Variants in KLHDC8B observed in about 807,000 individuals in gnomAD.
KLHDC8B encodes the protein kelch domain containing 8B, also known as kelch domain-containing protein 8B.
A neutral mutation model predicts 26.3 loss-of-function variants in KLHDC8B; 19 were observed. That is an observed-to-expected ratio of 0.72 (90% confidence interval 0.50 to 1.06). KLHDC8B has a LOEUF of 1.06. KLHDC8B is among the 50% of genes least tolerant of loss of function. The pLI is 0.00. For missense variants in KLHDC8B, 411 were observed against 488.1 expected (o/e 0.84, Z 1.49); for synonymous variants, 150 against 188.4 (o/e 0.80, Z 1.67).
rs1191346535 is a variant in KLHDC8B, at chr3:49,175,163, G to C, written c.868G>C (p.Gly290Arg). Residue 290 changes from glycine to arginine, a missense_variant and splice_region_variant, in exon 5 of 6, where the codon GGA becomes CGA. Transcript: ENST00000332780. ...GGHIVAIGGL[G>R]NQPCPLGSVE... Reference sequence around the variant, plus strand: ...CCACATTGTGGCCATTGGGGGCCTTGGTAAGTCTCTATGGGGCTGGGGAGA... The same window carrying C: ...CCACATTGTGGCCATTGGGGGCCTTCGTAAGTCTCTATGGGGCTGGGGAGA... 6.2e-7 allele frequency: 1 copy of C among 1,612,964 alleles called. No individual in the cohort carries two copies. The highest frequency in any genetic ancestry group is 1.1e-5 in the South Asian group (1 of 91,042).
chr3:49,175,170 C>T lies in KLHDC8B; in HGVS notation c.868+7C>T. ...GTGGCCATTGGGGGCCTTGGTAAGT[C>T]TCTATGGGGCTGGGGAGAGGAGGGA... On this transcript the variant is annotated splice_region_variant and intron_variant, in intron 5 of 5. Transcript: ENST00000332780. The T allele has an allele frequency of 1.2e-6, 2 of 1,609,768 alleles. No homozygotes were observed. The highest frequency in any genetic ancestry group is 1.1e-5 in the South Asian group (1 of 90,942).
rs756952181 is a variant in KLHDC8B, at chr3:49,175,900, G to A, written c.*99G>A. On this transcript the variant is annotated 3_prime_UTR_variant, in exon 6 of 6. Coordinates refer to ENST00000332780, the MANE Select transcript of KLHDC8B (RefSeq NM_173546.3). ...GAGGACACTCACTGTGGCTCTGTGGGATGAGAGAGGCATGGGGGTGAGCAC... is the reference window on the plus strand; with the variant it reads ...GAGGACACTCACTGTGGCTCTGTGGAATGAGAGAGGCATGGGGGTGAGCAC... The A allele has an allele frequency of 1.7e-6, 2 of 1,204,758 alleles. No individual in the cohort carries two copies. Among genetic ancestry groups the A allele is most frequent in the South Asian group, 2.6e-5 (2 of 77,514 alleles). 74.6% of individuals were successfully genotyped at this position (1,204,758 alleles called of 1,614,324 possible). A position where few individuals can be genotyped will look rare whatever the true frequency, so the allele number is the denominator to read the frequency against.
chr3:49,175,823 C>G lies in KLHDC8B; in HGVS notation c.*22C>G. The G allele has an allele frequency of 6.2e-7, 1 of 1,609,438 alleles. No individual in the cohort carries two copies. Among genetic ancestry groups the G allele is most frequent in the Non-Finnish European group, 8.5e-7 (1 of 1,176,156 alleles). The stretch of plus-strand genomic sequence containing the variant: ...CTGAAGGCTTGGTGGGAGCTGTCCA[C>G]TGGAGCAGCTCATTGCCAGAGGCAG... On this transcript the variant is annotated 3_prime_UTR_variant, in exon 6 of 6. Transcript: ENST00000332780.
At position 49,174,282 on chromosome 3, in the gene KLHDC8B, C is replaced by T. The variant is rs1260456643; in HGVS notation, c.420C>T (p.Ala140=). The T allele has an allele frequency of 6.2e-7, 1 of 1,613,654 alleles. No homozygotes were observed. The highest frequency in any genetic ancestry group is 8.5e-7 in the Non-Finnish European group (1 of 1,179,734). The part of the protein sequence containing the change: ...YALGGMGPDT[A]PQAQVRVYEP... ...TGGGGGGAATGGGCCCTGACACGGCCCCCCAGGCCCAGGTACGTGTGTATG... is the reference window on the plus strand; with the variant it reads ...TGGGGGGAATGGGCCCTGACACGGCTCCCCAGGCCCAGGTACGTGTGTATG... Residue 140 remains alanine, a synonymous_variant, in exon 3 of 6, where the codon GCC becomes GCT. Transcript: ENST00000332780.
In KLHDC8B at chr3:49,172,658, G is replaced by C; in HGVS notation, c.-112G>C. ...CAGGTGAAGGCAAGGTCCCTGGACT[G>C]GTCATATACCTCTTGTGGCCCTGGC... On this transcript the variant is annotated 5_prime_UTR_variant, in exon 2 of 6. Transcript: ENST00000332780. 1 of 1,100,642 alleles carries C rather than the reference G, an allele frequency of 9.1e-7. No homozygotes were observed. Among genetic ancestry groups the C allele is most frequent in the Non-Finnish European group, 1.3e-6 (1 of 767,868 alleles). The allele number at this position is 1,100,642 out of a possible 1,614,324, so 68.2% of individuals were successfully genotyped here. A position where few individuals can be genotyped will look rare whatever the true frequency, so the allele number is the denominator to read the frequency against.
intron 2 of KLHDC8B, among the ~76,000 whole-genome samples, chr3:49,173,638 A>G (rs539806041): frequency 1.6e-4 from 24 of 152,294 alleles, no homozygotes; most frequent in Admixed American, 1.0e-3. Context: ...AGGCCCCCAG[A>G]CATGTCGTAG....
chr3:49,175,662 G>T lies in KLHDC8B; in HGVS notation c.926G>T (p.Trp309Leu). The change falls in exon 6 of 6, where the codon TGG becomes TTG. Residue 309 changes from tryptophan (W) to leucine (L), a missense_variant. Transcript: ENST00000332780. The stretch of plus-strand genomic sequence containing the variant: ...AGCTTTAGCCTTGCACGGCGGCGCT[G>T]GGAGGCATTGCCTGCCATGCCCACT... ...VESFSLARRR[W>L]EALPAMPTAR... The T allele has an allele frequency of 6.2e-7, 1 of 1,610,206 alleles. No homozygotes were observed.
intron 2 of KLHDC8B, among the ~76,000 whole-genome samples, chr3:49,173,452 G>T (rs951643414): frequency 4.6e-5 from 7 of 152,124 alleles, no homozygotes; most frequent in African/African-American, 1.7e-4. Context: ...GACTCCCAGG[G>T]TTATAAATAG....
Position 49,175,824 on chromosome 3 carries a change from T to C in KLHDC8B, c.*23T>C. The C allele has an allele frequency of 6.2e-7, 1 of 1,609,596 alleles. No homozygotes were observed. Among genetic ancestry groups the C allele is most frequent in the East Asian group, 2.2e-5 (1 of 44,854 alleles). On this transcript the variant is annotated 3_prime_UTR_variant, in exon 6 of 6. Transcript: ENST00000332780. ...TGAAGGCTTGGTGGGAGCTGTCCACTGGAGCAGCTCATTGCCAGAGGCAGC... is the reference window on the plus strand; with the variant it reads ...TGAAGGCTTGGTGGGAGCTGTCCACCGGAGCAGCTCATTGCCAGAGGCAGC...
chr3:49,172,594 GC>G, intron 1 of KLHDC8B, 41 bp from the exon 2 acceptor site: 1 of 629,700 alleles, frequency 1.6e-6, no homozygotes, highest in Non-Finnish European at 2.7e-6. Flanking sequence ...TTCCTGAGGG[GC>G]CGGTCAGTGC....
chr3:49,172,480 G>A (rs1414976075), intron 1 of KLHDC8B, among the ~76,000 whole-genome samples, 156 bp from the exon 2 acceptor site: 1 of 152,140 alleles, frequency 6.6e-6, no homozygotes, highest in Non-Finnish European at 1.5e-5. Context: ...CTCCAGGAGG[G>A]CCTCCACAGT....
rs751013548 is a variant in KLHDC8B, at chr3:49,172,815, C to G, written c.46C>G (p.Pro16Ala). The G allele has an allele frequency of 1.9e-6, 3 of 1,614,052 alleles. No individual in the cohort carries two copies. The highest frequency in any genetic ancestry group is 2.5e-6 in the Non-Finnish European group (3 of 1,179,992). ...GRAFAWQVFP[P>A]MPTCRVYGTV... is the part of the protein sequence containing the mutation. ...GGCCTTTGCTTGGCAAGTGTTCCCCCCCATGCCCACTTGCCGGGTCTATGG... is the reference window on the plus strand; with the variant it reads ...GGCCTTTGCTTGGCAAGTGTTCCCCGCCATGCCCACTTGCCGGGTCTATGG... Residue 16 changes from proline (P) to alanine (A), a missense_variant, in exon 2 of 6, where the codon CCC becomes GCC. Coordinates refer to ENST00000332780, the MANE Select transcript of KLHDC8B (RefSeq NM_173546.3).
At position 49,174,531 on chromosome 3, in the gene KLHDC8B, A is replaced by G. The variant is rs923848771; in HGVS notation, c.541+128A>G. On this transcript the variant is annotated intron_variant, in intron 3 of 5. Transcript: ENST00000332780. ...AAGAGAAGCTTTGTTGGGGTGATCC[A>G]TGCCTGCTCTGAGGCTCTGACCCCT... The G allele has an allele frequency of 7.4e-6, 9 of 1,222,590 alleles. No individual in the cohort carries two copies. The Admixed American group carries it at 1.9e-4, about 25-fold the overall frequency. The allele number at this position is 1,222,590 out of a possible 1,614,324, so 75.7% of individuals were successfully genotyped here.
intron 2 of KLHDC8B, 149 bp downstream of exon 2, chr3:49,173,294 C>G (rs931189052): frequency 2.3e-6 from 2 of 868,954 alleles, no homozygotes; most frequent in South Asian, 3.6e-5. Flanking sequence ...TCCTTTCCAA[C>G]CTAGATTTGA....
rs185759178 is a variant in KLHDC8B at position 49,173,900 on chromosome 3, C to T, written c.377-339C>T. On this transcript the variant is annotated intron_variant, in intron 2 of 5. Coordinates refer to ENST00000332780, the MANE Select transcript of KLHDC8B (RefSeq NM_173546.3). ...TAAGCCATCCCCCCATCTTCCTCCC[C>T]GAGGGGAGTCCCCACCTTGTGGCCT... Among the ~76,000 whole-genome samples the T allele has an allele frequency of 5.3e-5, 8 of 152,312 alleles. No homozygotes were observed. In the East Asian group the frequency reaches 9.7e-4, roughly 18 times the overall value.
chr3:49,174,387 C>A lies in KLHDC8B; in HGVS notation c.525C>A (p.Asn175Lys). Residue 175 changes from asparagine to lysine, a missense_variant, in exon 3 of 6, where the codon AAC (asparagine) becomes AAA (lysine). Asn to Lys is a moderately conservative substitution (Grantham distance 94). Transcript: ENST00000332780. ...CYGASTFLHGNKIYVLGGRQG... is the reference protein window; with the variant it reads ...CYGASTFLHGKKIYVLGGRQG... The stretch of plus-strand genomic sequence containing the variant: ...GGGCCTCCACCTTCCTGCACGGGAA[C>A]AAGATCTATGTCCTGGGTAAGGGCC... 1.2e-6 allele frequency: 2 copies of A among 1,613,566 alleles called. No individual in the cohort carries two copies. Among genetic ancestry groups the A allele is most frequent in the Non-Finnish European group, 1.7e-6 (2 of 1,179,722 alleles).
chr3:49,174,120 G>A, intron 2 of KLHDC8B, 119 bp from the exon 3 acceptor site: 1 of 651,390 alleles, frequency 1.5e-6, no homozygotes, highest in Non-Finnish European at 2.6e-6. Flanking sequence ...GTCTGTTGCT[G>A]GGGAGGGATG....
Position 49,175,133 on chromosome 3 carries a change from G to A in KLHDC8B, c.838G>A (p.Gly280Arg). Reference protein sequence around the residue: ...KRADFVVGSLGGHIVAIGGLG... With the variant: ...KRADFVVGSLRGHIVAIGGLG... ...GGCAGACTTTGTGGTTGGGTCCCTT[G>A]GGGGCCACATTGTGGCCATTGGGGG... Residue 280 changes from glycine to arginine, a missense_variant, in exon 5 of 6, where the codon GGG becomes AGG. Coordinates refer to ENST00000332780, the MANE Select transcript of KLHDC8B (RefSeq NM_173546.3). The A allele has an allele frequency of 6.2e-7, 1 of 1,614,124 alleles. No individual in the cohort carries two copies. Among genetic ancestry groups the A allele is most frequent in the Non-Finnish European group, 8.5e-7 (1 of 1,180,014 alleles).
Position 49,173,055 on chromosome 3 carries a change from G to T in KLHDC8B, c.286G>T (p.Ala96Ser). 1 of 1,608,250 alleles carries T rather than the reference G, an allele frequency of 6.2e-7. No homozygotes were observed. The highest frequency in any genetic ancestry group is 8.5e-7 in the Non-Finnish European group (1 of 1,177,548). Residue 96 changes from alanine to serine, a missense_variant, in exon 2 of 6, where the codon GCT becomes TCT. Transcript: ENST00000332780. ...GGATGAGGTCCAGAGCCCGGTAGCT[G>T]CTGTAGAGGCCTTCCTGATGGATGA... The part of the protein sequence containing the change: ...GVDEVQSPVA[A>S]VEAFLMDEGR...
Sources: gnomAD v4.1 joint callset for allele counts (sites outside exome capture counted in the v4.1 genomes callset) on GRCh38, gnomAD v4.1.1 for gene constraint, MANE v1.5 for transcripts, NCBI Gene and HGNC (gene_info 2026-07-23, HGNC 2026-07-21) for gene names.